SPON1: variants seen among roughly 807,000 people sequenced by gnomAD.
SPON1 encodes the protein spondin 1.
A neutral mutation model predicts 111.7 loss-of-function variants in SPON1; 52 were observed. The observed-to-expected ratio is 0.47, with a 90% CI of 0.37 to 0.59. The LOEUF is 0.59. Among genes scored for constraint, SPON1 ranks in the 20% least tolerant of loss-of-function variants. SPON1 has a pLI of 0.00. For synonymous variants in SPON1, 410 were observed against 395.8 expected, an observed-to-expected ratio of 1.04 and a Z score of -0.43; for missense variants, 957 against 1,068.5, an observed-to-expected ratio of 0.90 and a Z score of 1.46.
intron 6 of SPON1, among the ~76,000 whole-genome samples, chr11:14,169,340 G>T (rs1848069310): frequency 6.6e-6 from 1 of 151,852 alleles, no homozygotes; most frequent in African/African-American, 2.4e-5. Context: ...CCCACTTTTT[G>T]ATGGGGTTTT....
intron 3 of SPON1, among the ~76,000 whole-genome samples, chr11:14,044,914 A>G (rs1413637858): frequency 6.6e-6 from 1 of 152,192 alleles, no homozygotes; most frequent in Non-Finnish European, 1.5e-5. Flanking sequence ...TGTCTATGGT[A>G]TGGATGTTAA....
At chr11:14,033,512 G>A (rs936665391) in intron 2 of SPON1, among the ~76,000 whole-genome samples, 4 of 152,132 alleles carry the variant, frequency 2.6e-5, no homozygotes, top group African/African-American at 9.7e-5. Context: ...ATTAGATTTA[G>A]GGAAGAAGGG....
chr11:14,060,103 C>T (rs1314000906), intron 3 of SPON1, among the ~76,000 whole-genome samples: 1 of 152,124 alleles, frequency 6.6e-6, no homozygotes, highest in East Asian at 1.9e-4. Context: ...CGCTCTACCC[C>T]CCCAACTACT....
At chr11:14,032,137 A>T (rs1171532705) in intron 2 of SPON1, among the ~76,000 whole-genome samples, 1 of 152,222 alleles carries the variant, frequency 6.6e-6, no homozygotes, top group Non-Finnish European at 1.5e-5. Context: ...ATGGAAAAGA[A>T]ATATGTTCGT....
chr11:13,976,263 C>CTAGT (rs1848102970), intron 1 of SPON1, among the ~76,000 whole-genome samples: 1 of 151,992 alleles, frequency 6.6e-6, no homozygotes, highest in Non-Finnish European at 1.5e-5. Context: ...TTTCTTGGAT[C>CTAGT]TCTTAATAGC....
chr11:14,243,810 T>A (rs1848957031), intron 7 of SPON1, among the ~76,000 whole-genome samples: 1 of 152,142 alleles, frequency 6.6e-6, no homozygotes, highest in African/African-American at 2.4e-5. Flanking sequence ...TTCTTTTCTG[T>A]CTCCTCTATC....
intron 5 of SPON1, among the ~76,000 whole-genome samples, chr11:14,123,684 G>A (rs904724948): frequency 6.6e-6 from 1 of 152,104 alleles, no homozygotes; most frequent in Admixed American, 6.5e-5. Context: ...TCTCCATGCA[G>A]CTTCCTCCTC....
At chr11:14,042,893 C>T (rs147145212) in intron 3 of SPON1, among the ~76,000 whole-genome samples, 102 of 152,308 alleles carry the variant, frequency 6.7e-4, no homozygotes, top group African/African-American at 2.3e-3. Flanking sequence ...CATTGTCTGG[C>T]CTCCCTTTGC....
At chr11:14,053,863 G>A (rs1343235269) in intron 3 of SPON1, among the ~76,000 whole-genome samples, 9 of 152,204 alleles carry the variant, frequency 5.9e-5, no homozygotes, top group Admixed American at 5.2e-4. Flanking sequence ...GTGCAACAAA[G>A]TCATATACTT....
chr11:14,043,281 T>C (rs1427907071), intron 3 of SPON1, among the ~76,000 whole-genome samples: 1 of 152,164 alleles, frequency 6.6e-6, no homozygotes, highest in African/African-American at 2.4e-5. Flanking sequence ...GGAGGTTCCT[T>C]GGCATGAGGA....
intron 6 of SPON1, among the ~76,000 whole-genome samples, chr11:14,138,822 C>G (rs927734363): frequency 2.0e-5 from 3 of 152,144 alleles, no homozygotes; most frequent in Admixed American, 6.5e-5. Flanking sequence ...CCCTTTCACT[C>G]GGTTATTCAG....
chr11:13,996,537 C>T (rs929316057), intron 2 of SPON1, among the ~76,000 whole-genome samples: 1 of 152,318 alleles, frequency 6.6e-6, no homozygotes. Flanking sequence ...TTAAGCATCA[C>T]TCCTCTCAAC....
chr11:14,085,015 G>A (rs1554922436), intron 5 of SPON1, among the ~76,000 whole-genome samples: 1 of 99,304 alleles, frequency 1.0e-5, no homozygotes. Context: ...TTGTAAATTT[G>A]TTTGAGTTCT....
intron 5 of SPON1, among the ~76,000 whole-genome samples, chr11:14,098,419 T>C (rs1849118653): frequency 6.6e-6 from 1 of 152,268 alleles, no homozygotes; most frequent in African/African-American, 2.4e-5. Context: ...GTGATGAGCC[T>C]AATTTAATTG....
chr11:14,165,655 T>C (rs1224110546), intron 6 of SPON1, among the ~76,000 whole-genome samples: 1 of 152,160 alleles, frequency 6.6e-6, no homozygotes, highest in Non-Finnish European at 1.5e-5. Flanking sequence ...AATTTAGAAT[T>C]TAGTCTAAAC....
chr11:14,255,323 A>T (rs1554941070), intron 8 of SPON1, among the ~76,000 whole-genome samples: 1 of 152,228 alleles, frequency 6.6e-6, no homozygotes, highest in Non-Finnish European at 1.5e-5. Flanking sequence ...CTTTACTAAA[A>T]AAGTTTTCCA....
chr11:14,263,089 G>A (rs1849209131), intron 15 of SPON1, 114 bp downstream of exon 15: 13 of 1,150,380 alleles, frequency 1.1e-5, no homozygotes, highest in Admixed American at 2.9e-5. Flanking sequence ...GGGAGAGTCT[G>A]CATCTTCTGG....
intron 6 of SPON1, among the ~76,000 whole-genome samples, chr11:14,197,616 A>T (rs942000840): frequency 1.2e-4 from 18 of 150,806 alleles, no homozygotes; most frequent in African/African-American, 4.4e-4. Flanking sequence ...CATTCTGGCT[A>T]ATGCAGTGGA....
chr11:14,249,089 T>C (rs1253146782), intron 7 of SPON1, among the ~76,000 whole-genome samples: 2 of 152,208 alleles, frequency 1.3e-5, no homozygotes, highest in African/African-American at 4.8e-5. Flanking sequence ...TACAAATAAC[T>C]TTTATTTCCT....
Sources: gnomAD v4.1 joint callset for allele counts (sites outside exome capture counted in the v4.1 genomes callset) on GRCh38, gnomAD v4.1.1 for gene constraint, MANE v1.5 for transcripts, NCBI Gene and HGNC (gene_info 2026-07-23, HGNC 2026-07-21) for gene names.